Variants in ANAPC10 observed in about 807,000 individuals in gnomAD.
ANAPC10 encodes anaphase promoting complex subunit 10, also known as anaphase-promoting complex subunit 10.
ANAPC10 carries 12 observed loss-of-function variants against 22.0 expected under a neutral mutation model. The ratio of observed to expected loss-of-function variants is 0.55; its 90% CI spans 0.35 to 0.88. The LOEUF is 0.88. Ranked by LOEUF, ANAPC10 falls within the 40% of genes least tolerant of loss-of-function variation. ANAPC10 has a pLI of 0.01. For missense variants in ANAPC10, 188 were observed against 220.9 expected (o/e 0.85, Z 0.94); for synonymous variants, 65 against 69.5 (o/e 0.94, Z 0.32).
intron 4 of ANAPC10, among the ~76,000 whole-genome samples, chr4:145,017,740 T>C (rs2126966413): frequency 6.6e-6 from 1 of 152,136 alleles, no homozygotes; most frequent in Non-Finnish European, 1.5e-5. Context: ...AATGATAGAC[T>C]GGATTAAGAA....
At chr4:145,083,721 T>C (rs1226130399) in intron 2 of ANAPC10, among the ~76,000 whole-genome samples, 3 of 152,160 alleles carry the variant, frequency 2.0e-5, no homozygotes, top group Non-Finnish European at 4.4e-5. Context: ...TTTTATAAAA[T>C]TTTTTTAACG....
intron 2 of ANAPC10, among the ~76,000 whole-genome samples, chr4:145,084,237 G>A (rs1176121324): frequency 6.6e-6 from 1 of 152,158 alleles, no homozygotes; most frequent in Non-Finnish European, 1.5e-5. Flanking sequence ...CATACTAGTG[G>A]ATAAAAGAAG....
At position 145,000,001 on chromosome 4, in the gene ANAPC10, T is replaced by C. The variant is rs573715449; in HGVS notation, c.328-4398A>G. On this transcript the variant is annotated intron_variant, in intron 4 of 4. Transcript: ENST00000507656. ...GTGCTGGGAAAACTGGCTAGCCATA[T>C]GGAGAAAGCTGAAACTGGATCCCTT... Among the ~76,000 whole-genome samples, 101 of 152,326 alleles carry C rather than the reference T, an allele frequency of 6.6e-4. 1 individual carries two copies. Among genetic ancestry groups the C allele is most frequent in the African/African-American group, 2.3e-3 (96 of 41,580 alleles).
Position 145,091,756 on chromosome 4 carries a change from C to T in ANAPC10, c.115+4229G>A, listed in dbSNP as rs149156036. ...TCAAATGGTATTTCTGGTTCTACAT[C>T]TTTGAGGACTCGCCACACTGTCTTC... On this transcript the variant is annotated intron_variant, in intron 2 of 4. Transcript: ENST00000507656. Among the ~76,000 whole-genome samples the T allele has an allele frequency of 8.5e-3, 1,295 of 152,254 alleles. 19 individuals are homozygous for T. Among genetic ancestry groups the T allele is most frequent in the African/African-American group, 0.029 (1,221 of 41,548 alleles).
intron 4 of ANAPC10, among the ~76,000 whole-genome samples, chr4:145,062,403 C>T (rs1400644891): frequency 6.6e-6 from 1 of 151,714 alleles, no homozygotes; most frequent in East Asian, 1.9e-4. Context: ...GGCCGGAGTT[C>T]GAGACCAACC....
At chr4:145,049,768 G>T (rs952012209) in intron 4 of ANAPC10, among the ~76,000 whole-genome samples, 4 of 152,014 alleles carry the variant, frequency 2.6e-5, no homozygotes, top group African/African-American at 9.7e-5. Flanking sequence ...TTCTTTTGTA[G>T]AGATGGGGGT....
intron 4 of ANAPC10, among the ~76,000 whole-genome samples, chr4:145,011,168 C>G (rs1034590768): frequency 6.6e-6 from 1 of 151,740 alleles, no homozygotes; most frequent in Non-Finnish European, 1.5e-5. Context: ...CCCATCTCTA[C>G]TAAAAATACA....
At chr4:145,063,911 A>G (rs1369343125) in intron 4 of ANAPC10, 1 of 152,120 alleles carries the variant, frequency 6.6e-6, no homozygotes, top group Non-Finnish European at 1.5e-5. Flanking sequence ...AAAACAGGCA[A>G]TATGGATCTA....
chr4:145,002,725 GA>G (rs988206718), intron 4 of ANAPC10, among the ~76,000 whole-genome samples: 1 of 151,914 alleles, frequency 6.6e-6, no homozygotes, highest in Non-Finnish European at 1.5e-5. Flanking sequence ...TCTTTGGACT[GA>G]AAAAAGTAAA....
chr4:145,094,600 G>C (rs1054249533), intron 2 of ANAPC10, among the ~76,000 whole-genome samples: 1 of 152,150 alleles, frequency 6.6e-6, no homozygotes, highest in African/African-American at 2.4e-5. Context: ...AAAAGTTTCT[G>C]AAAGAAAGAT....
chr4:145,049,662 C>T (rs891336694), intron 4 of ANAPC10, among the ~76,000 whole-genome samples: 5 of 152,090 alleles, frequency 3.3e-5, no homozygotes, highest in African/African-American at 7.2e-5. Flanking sequence ...TCACTGGAAC[C>T]GCCGCCACCT....
intron 4 of ANAPC10, among the ~76,000 whole-genome samples, chr4:145,056,814 C>T (rs1482475073): frequency 5.3e-5 from 8 of 152,280 alleles, no homozygotes; most frequent in African/African-American, 1.9e-4. Flanking sequence ...GATTGATAAT[C>T]TGCATTTCTA....
rs767399903 is a variant in ANAPC10, at chr4:145,094,310, C to T, written c.115+1675G>A. ...GAAACCAAAGGGACCCAAAACTGAG[C>T]TGTCAGGGGCTTGGAAAGGCCCAGA... is the stretch of plus-strand genomic sequence containing the variant. On this transcript the variant is annotated intron_variant, in intron 2 of 4. Coordinates refer to ENST00000507656, the MANE Select transcript of ANAPC10 (RefSeq NM_001256706.2). Among the ~76,000 whole-genome samples, 59 of 152,150 alleles carry T rather than the reference C, an allele frequency of 3.9e-4. 1 individual carries two copies. Among genetic ancestry groups the T allele is most frequent in the Non-Finnish European group, 1.0e-4 (7 of 68,036 alleles).
At chr4:145,017,483 A>G (rs1433598517) in intron 4 of ANAPC10, among the ~76,000 whole-genome samples, 3 of 152,216 alleles carry the variant, frequency 2.0e-5, no homozygotes, top group African/African-American at 7.2e-5. Flanking sequence ...GGTGCTGGAG[A>G]GGATGTGGAG....
intron 2 of ANAPC10, among the ~76,000 whole-genome samples, chr4:145,092,811 GA>G (rs755412343): frequency 6.6e-6 from 1 of 152,156 alleles, no homozygotes; most frequent in Non-Finnish European, 1.5e-5. Flanking sequence ...TGTAGGAGGA[GA>G]ATCAACCCTG....
At chr4:145,005,549 C>T (rs977812604) in intron 4 of ANAPC10, among the ~76,000 whole-genome samples, 2 of 151,856 alleles carry the variant, frequency 1.3e-5, no homozygotes, top group Admixed American at 6.6e-5. Flanking sequence ...TAGTTATGAT[C>T]GTAGGTTGTT....
At chr4:145,092,554 A>G (rs1334839689) in intron 2 of ANAPC10, among the ~76,000 whole-genome samples, 2 of 152,202 alleles carry the variant, frequency 1.3e-5, no homozygotes, top group African/African-American at 4.8e-5. Context: ...CAAAGACCAA[A>G]TGCAGGCTAG....
intron 2 of ANAPC10, among the ~76,000 whole-genome samples, chr4:145,082,691 C>T (rs944908714): frequency 6.6e-6 from 1 of 152,174 alleles, no homozygotes; most frequent in Admixed American, 6.5e-5. Context: ...CCCAGAATCC[C>T]ATGTTCTCCA....
intron 4 of ANAPC10, among the ~76,000 whole-genome samples, chr4:145,030,534 A>G (rs920112550): frequency 6.6e-6 from 1 of 152,214 alleles, no homozygotes; most frequent in African/African-American, 2.4e-5. Flanking sequence ...TAAAGCAGTT[A>G]AAGTAGGGGC....
Sources: allele counts gnomAD v4.1 joint callset (sites outside exome capture counted in the v4.1 genomes callset), GRCh38; gene constraint gnomAD v4.1.1; transcripts MANE v1.5; gene names NCBI Gene and HGNC (gene_info 2026-07-23, HGNC 2026-07-21).